Variants in CLCN6 observed in about 807,000 individuals in gnomAD.
CLCN6 encodes the protein Cl-/H+ antiporter 6.
CLCN6 carries 70 observed loss-of-function variants against 109.8 expected under a neutral mutation model. The observed-to-expected ratio is 0.64, with a 90% confidence interval of 0.53 to 0.78. CLCN6 has a LOEUF of 0.78. CLCN6 is among the 30% of genes least tolerant of loss of function. The probability of loss-of-function intolerance (pLI) is 0.00; values close to 1 mark genes in which losing one functional copy is unlikely to be tolerated. For missense variants in CLCN6, 984 were observed against 1,142.3 expected, an observed-to-expected ratio of 0.86 and a Z score of 2.00; for synonymous variants, 444 against 447.8, an observed-to-expected ratio of 0.99 and a Z score of 0.11.
chr1:11,838,284 C>T (rs1380675343), intron 20 of CLCN6, 51 bp from the exon 21 acceptor site: 1 of 1,537,948 alleles, frequency 6.5e-7, no homozygotes, highest in Non-Finnish European at 9.0e-7. Context: ...TAAGGTGACC[C>T]TGCTGGCCAC....
intron 11 of CLCN6, 98 bp downstream of exon 11, chr1:11,828,317 A>T (rs1431694101): frequency 2.8e-6 from 4 of 1,424,410 alleles, no homozygotes; most frequent in Non-Finnish European, 9.9e-7. Context: ...GCTAGGTACA[A>T]CTTCCAGGGA....
intron 13 of CLCN6, 31 bp downstream of exon 13, chr1:11,829,353 C>G: frequency 6.2e-7 from 1 of 1,613,074 alleles, no homozygotes; most frequent in Non-Finnish European, 8.5e-7. Flanking sequence ...ACCTTTATCC[C>G]ATACCACGAG....
At chr1:11,835,557 G>C (rs566248223) in intron 17 of CLCN6, among the ~76,000 whole-genome samples, 16 of 152,312 alleles carry the variant, frequency 1.1e-4, no homozygotes, top group Admixed American at 1.3e-4. Flanking sequence ...TTACATGCGT[G>C]AGCCGCTGCA....
At chr1:11,816,502 C>T in intron 3 of CLCN6, 113 bp from the exon 4 acceptor site, 1 of 916,334 alleles carries the variant, frequency 1.1e-6, no homozygotes, top group Non-Finnish European at 1.7e-6. Context: ...ATCATCTTTA[C>T]TGTGCCTGCT....
chr1:11,810,418 T>A (rs1570513128), intron 2 of CLCN6, among the ~76,000 whole-genome samples: 1 of 152,244 alleles, frequency 6.6e-6, no homozygotes, highest in East Asian at 1.9e-4. Flanking sequence ...AGACTTAGAA[T>A]TAAAGGCCTC....
chr1:11,840,232 C>T lies in CLCN6; in HGVS notation c.*9C>T, dbSNP rs749643364. ...ACTACCAGACCATCTGACAGCCCAGCCCACCCTCTCCTGGTGCTGCCTGGG... is the reference window on the plus strand; with the variant it reads ...ACTACCAGACCATCTGACAGCCCAGTCCACCCTCTCCTGGTGCTGCCTGGG... On this transcript the variant is annotated 3_prime_UTR_variant, in exon 23 of 23. Coordinates refer to ENST00000346436, the MANE Select transcript of CLCN6 (RefSeq NM_001286.5). The T allele has an allele frequency of 6.2e-7, 1 of 1,609,414 alleles. No homozygotes were observed. Among genetic ancestry groups the T allele is most frequent in the South Asian group, 1.1e-5 (1 of 91,060 alleles).
rs1309902120 is a variant in CLCN6 at position 11,819,489 on chromosome 1, T to TG, written c.284dup (p.Leu96SerfsTer37). On this transcript the variant is annotated frameshift_variant and splice_region_variant, in exon 5 of 23. Transcript: ENST00000346436. LOFTEE classifies it high-confidence loss of function. ...TGACAGATCTCTTGCTCTTCACAGG[T>TG]GGGTCTCTTTGTGGACTTTTTTGTG... 1 of 1,613,964 alleles carries TG rather than the reference T, an allele frequency of 6.2e-7. No homozygotes were observed. Among genetic ancestry groups the TG allele is most frequent in the Non-Finnish European group, 8.5e-7 (1 of 1,179,914 alleles).
chr1:11,806,377 G>A (rs1474359079), intron 1 of CLCN6, 28 bp downstream of exon 1: 2 of 1,490,572 alleles, frequency 1.3e-6, no homozygotes, highest in South Asian at 2.7e-5. Flanking sequence ...TCGGCCTGGG[G>A]AGGGGGCGGT....
chr1:11,824,505 A>G lies in CLCN6; in HGVS notation c.600A>G (p.Glu200=). Residue 200 remains glutamate, a synonymous_variant, in exon 8 of 23, where the codon GAA becomes GAG. Coordinates refer to ENST00000346436, the MANE Select transcript of CLCN6 (RefSeq NM_001286.5). ...SVAGGLFVEK[E]GPMIHSGSVV... ...GCCCAGGGCTCTTCGTGGAGAAGGA[A>G]GGCCCCATGATCCACAGTGGTTCGG... 6.2e-7 allele frequency: 1 copy of G among 1,613,688 alleles called. No homozygotes were observed. The highest frequency in any genetic ancestry group is 8.5e-7 in the Non-Finnish European group (1 of 1,179,736).
chr1:11,816,033 C>G, intron 3 of CLCN6, 122 bp downstream of exon 3: 2 of 730,846 alleles, frequency 2.7e-6, no homozygotes, highest in Non-Finnish European at 4.8e-6. Context: ...TCATGCGATA[C>G]AGGCAGACCT....
intron 13 of CLCN6, among the ~76,000 whole-genome samples, chr1:11,830,776 C>A (rs1004132317): frequency 2.9e-4 from 34 of 118,106 alleles, no homozygotes; most frequent in African/African-American, 7.7e-4. Context: ...CACACACACA[C>A]TATATATACA....
In CLCN6 at chr1:11,823,882, G is replaced by A. The variant is rs115287045; in HGVS notation, c.580+49G>A. On this transcript the variant is annotated intron_variant, in intron 7 of 22. Transcript: ENST00000346436. Reference sequence around the variant, plus strand: ...CTTCAAATACTCAAAGGGCAGAGACGACAAGAAGCATGATGTATTTCAGTT... The same window carrying A: ...CTTCAAATACTCAAAGGGCAGAGACAACAAGAAGCATGATGTATTTCAGTT... 1,160 of 1,606,064 alleles carry A rather than the reference G, an allele frequency of 7.2e-4. 12 individuals carry two copies. In the African/African-American group the frequency reaches 0.014, roughly 19 times the overall value.
chr1:11,833,821 T>C, intron 14 of CLCN6, 56 bp from the exon 15 acceptor site: 1 of 1,581,280 alleles, frequency 6.3e-7, no homozygotes, highest in Non-Finnish European at 8.6e-7. Context: ...CCGGTAGGTC[T>C]ACTGGGCCTT....
In CLCN6 at chr1:11,834,094, A is replaced by C; in HGVS notation, c.1526+64A>C. 2 of 1,598,782 alleles carry C rather than the reference A, an allele frequency of 1.3e-6. No homozygotes were observed. Among genetic ancestry groups the C allele is most frequent in the South Asian group, 2.2e-5 (2 of 89,744 alleles). On this transcript the variant is annotated intron_variant, in intron 15 of 22. Transcript: ENST00000346436. This position sits in a 1 kb window ranked among gnomAD's most constrained non-coding sequence, Gnocchi z 4.5. The stretch of plus-strand genomic sequence containing the variant: ...TGTGTGCACGTGTGCGTGTGTATGC[A>C]TGTGTGTGCGTGTGCGTGCGTTGAT...
chr1:11,837,615 G>A, intron 20 of CLCN6, 116 bp downstream of exon 20: 1 of 1,041,876 alleles, frequency 9.6e-7, no homozygotes, highest in Non-Finnish European at 1.4e-6. Flanking sequence ...AAGGCGAGAA[G>A]TGCAGAGTGG....
chr1:11,837,174 C>A lies in CLCN6; in HGVS notation c.2138+18C>A. The A allele has an allele frequency of 6.2e-7, 1 of 1,610,430 alleles. No homozygotes were observed. The highest frequency in any genetic ancestry group is 8.5e-7 in the Non-Finnish European group (1 of 1,179,346). On this transcript the variant is annotated intron_variant, in intron 19 of 22. Coordinates refer to ENST00000346436, the MANE Select transcript of CLCN6 (RefSeq NM_001286.5). ...GAAAGGAGGTGAGAGCCTGGCGGGG[C>A]CCCCACTGCCCGCAGGGCTACACAG... is the stretch of plus-strand genomic sequence containing the variant.
intron 4 of CLCN6, among the ~76,000 whole-genome samples, chr1:11,816,894 C>CT (rs1644680599): frequency 6.6e-6 from 1 of 151,276 alleles, no homozygotes; most frequent in African/African-American, 2.4e-5. Context: ...CACACTTCCC[C>CT]TGCTTTTGCT....
In CLCN6 at chr1:11,840,479, T is replaced by C; in HGVS notation, c.*256T>C. 1.8e-6 allele frequency: 1 copy of C among 558,978 alleles called. No homozygotes were observed. Among genetic ancestry groups the C allele is most frequent in the Non-Finnish European group, 3.2e-6 (1 of 309,478 alleles). The allele number at this position is 558,978 out of a possible 1,614,324, so 34.6% of individuals were successfully genotyped here. On this transcript the variant is annotated 3_prime_UTR_variant, in exon 23 of 23. Transcript: ENST00000346436. ...TCCCTGTGTTCCCACCCTCCAGTGT[T>C]GGCACAGGCCCACCCCTGGCTCCAC...
intron 1 of CLCN6, chr1:11,806,855 A>T (rs1025793304): frequency 1.4e-5 from 6 of 436,220 alleles, no homozygotes; most frequent in Admixed American, 1.2e-4. Context: ...CTGCATTTTT[A>T]CCCCCCTTTT....
Sources: gnomAD v4.1 joint callset for allele counts (sites outside exome capture counted in the v4.1 genomes callset) on GRCh38, gnomAD v4.1.1 for gene constraint, Gnocchi (gnomAD v3.1) non-coding constraint, MANE v1.5 for transcripts, NCBI Gene and HGNC (gene_info 2026-07-23, HGNC 2026-07-21) for gene names.